Variants in TTBK2 observed in about 807,000 individuals in gnomAD.
The protein encoded by TTBK2 is tau tubulin kinase 2.
Under a neutral mutation model 110.8 loss-of-function variants are expected in TTBK2, and 28 were observed. The observed-to-expected ratio is 0.25, with a 90% confidence interval of 0.19 to 0.35. TTBK2 has a LOEUF of 0.35. TTBK2 is among the 10% of genes least tolerant of loss of function. TTBK2 has a pLI of 1.00. For missense variants in TTBK2, 1,369 were observed against 1,500.3 expected (o/e 0.91, Z 1.45); for synonymous variants, 532 against 527.3 (o/e 1.01, Z -0.12).
chr15:42,754,551 T>C (rs568033803), intron 13 of TTBK2, among the ~76,000 whole-genome samples: 58 of 151,320 alleles, frequency 3.8e-4, no homozygotes, highest in Admixed American at 2.0e-3. Context: ...TGCCCACCAC[T>C]ATGCCCAGCT....
At chr15:42,794,621 C>T (rs1383946164) in intron 10 of TTBK2, 23 bp downstream of exon 10, 1 of 1,614,058 alleles carries the variant, frequency 6.2e-7, no homozygotes, top group South Asian at 1.1e-5. Context: ...AAGACACCAC[C>T]AAATGATCTG....
intron 6 of TTBK2, among the ~76,000 whole-genome samples, chr15:42,822,594 A>G (rs1164361070): frequency 2.0e-5 from 3 of 152,176 alleles, no homozygotes; most frequent in African/African-American, 7.2e-5. Context: ...GCAGACCATG[A>G]GAGAAAAAAA....
intron 1 of TTBK2, among the ~76,000 whole-genome samples, chr15:42,891,412 G>A (rs548351649): frequency 2.0e-5 from 3 of 151,402 alleles, no homozygotes; most frequent in South Asian, 2.1e-4. Context: ...AGACTCAATC[G>A]ATCCTCCCAC....
rs753998020 is a variant in TTBK2 at position 42,840,416 on chromosome 15, T to C, written c.235A>G (p.Arg79Gly). The change falls in exon 4 of 15, where the codon AGA (arginine) becomes GGA (glycine). Residue 79 changes from arginine to glycine, a missense_variant. Arg to Gly is a moderately radical substitution (Grantham distance 125, BLOSUM62 -2). This residue lies in a region of TTBK2 where 122 missense variants were observed against 159.7 expected (regional missense o/e 0.76). Transcript: ENST00000267890. The part of the protein sequence containing the change: ...KKLQGKDHVC[R>G]FIGCGRNDRF... ...TCATTCCTCCCACAGCCAATAAATC[T>C]ACAAACATGGTCTTTCCCTGGATAA... The C allele has an allele frequency of 1.2e-6, 2 of 1,613,966 alleles. No homozygotes were observed. Among genetic ancestry groups the C allele is most frequent in the Non-Finnish European group, 1.7e-6 (2 of 1,179,898 alleles).
chr15:42,920,558 G>C lies in TTBK2; in HGVS notation c.-188C>G, dbSNP rs1207210617. On this transcript the variant is annotated 5_prime_UTR_variant, in exon 1 of 15. Transcript: ENST00000267890. ...CACTGCCTGCCCATCCCCCACCGCCGACTGCGGCGGGACCCGAGCGCGGCT... is the reference window on the plus strand; with the variant it reads ...CACTGCCTGCCCATCCCCCACCGCCCACTGCGGCGGGACCCGAGCGCGGCT... 6.5e-6 allele frequency: 1 copy of C among 153,478 alleles called. No homozygotes were observed. The highest frequency in any genetic ancestry group is 1.5e-5 in the Non-Finnish European group (1 of 68,514). 9.5% of individuals were successfully genotyped at this position (153,478 alleles called of 1,614,324 possible).
intron 9 of TTBK2, chr15:42,802,327 C>T (rs1595927033): frequency 3.9e-6 from 3 of 772,446 alleles, no homozygotes; most frequent in East Asian, 2.4e-5. Context: ...ACCAGGCCCA[C>T]TCGTGTAGGA....
chr15:42,845,633 C>CAAAAAA (rs894783459), intron 3 of TTBK2, among the ~76,000 whole-genome samples: 1 of 15,294 alleles, frequency 6.5e-5, no homozygotes, highest in African/African-American at 1.3e-4. Context: ...GGCTGCATCT[C>CAAAAAA]AAAAAAAAAA....
At chr15:42,778,501 TA>T (rs1167593176) in intron 11 of TTBK2, among the ~76,000 whole-genome samples, 4 of 151,918 alleles carry the variant, frequency 2.6e-5, no homozygotes, top group African/African-American at 9.7e-5. Flanking sequence ...CCATCTCTAC[TA>T]AAAATACAAA....
chr15:42,878,076 G>T (rs910683891), intron 2 of TTBK2, among the ~76,000 whole-genome samples: 1 of 146,630 alleles, frequency 6.8e-6, no homozygotes, highest in African/African-American at 2.5e-5. Context: ...CCGGGTTCAC[G>T]CCATTCTCCT....
chr15:42,910,128 T>C (rs2030661079), intron 1 of TTBK2, among the ~76,000 whole-genome samples: 1 of 152,208 alleles, frequency 6.6e-6, no homozygotes, highest in South Asian at 2.1e-4. Context: ...ATATACACCA[T>C]GATTAATATA....
intron 3 of TTBK2, among the ~76,000 whole-genome samples, chr15:42,844,606 T>C (rs1489837013): frequency 6.6e-6 from 1 of 152,230 alleles, no homozygotes; most frequent in East Asian, 1.9e-4. Flanking sequence ...TATGCAAGCA[T>C]TTTATGCCAG....
rs769265704 is a variant in TTBK2, at chr15:42,745,873, G to A, written c.3657C>T (p.Ser1219=). The A allele has an allele frequency of 8.7e-6, 14 of 1,613,954 alleles. No homozygotes were observed. Among genetic ancestry groups the A allele is most frequent in the African/African-American group, 5.3e-5 (4 of 74,864 alleles). ...CKPSKNGLKG[S]GSLHHHSAST... is the part of the protein sequence containing the mutation. ...TGGCTGAGTGGTGGTGGAGGCTGCCGGATCCTTTCAGGCCATTCTTGCTGG... is the reference window on the plus strand; with the variant it reads ...TGGCTGAGTGGTGGTGGAGGCTGCCAGATCCTTTCAGGCCATTCTTGCTGG... The change falls in exon 15 of 15, where the codon TCC becomes TCT. Residue 1219 remains serine (S), a synonymous_variant. Transcript: ENST00000267890.
At chr15:42,815,928 A>T in intron 7 of TTBK2, among the ~76,000 whole-genome samples, 1 of 49,178 alleles carries the variant, frequency 2.0e-5, no homozygotes, top group South Asian at 9.5e-4. Flanking sequence ...ATATATATTT[A>T]AAAATATATA....
chr15:42,855,134 T>G (rs1022327430), intron 3 of TTBK2: 2 of 152,192 alleles, frequency 1.3e-5, no homozygotes, highest in East Asian at 3.8e-4. Flanking sequence ...TGGAGTCCAA[T>G]GGCGCAATCT....
chr15:42,774,455 C>T lies in TTBK2; in HGVS notation c.1998+680G>A, dbSNP rs1266877628. 3.9e-5 allele frequency among the ~76,000 whole-genome samples: 6 copies of T among 152,162 alleles called. No individual in the cohort carries two copies. In the East Asian group the frequency reaches 1.2e-3, roughly 29 times the overall value. The stretch of plus-strand genomic sequence containing the variant: ...GTAACAGGATAACAGGCTTCTCCAG[C>T]TGAATGCCCAAAACTGAAAATAAAC... On this transcript the variant is annotated intron_variant, in intron 13 of 14. Transcript: ENST00000267890.
chr15:42,873,718 T>C (rs1409794666), intron 2 of TTBK2, among the ~76,000 whole-genome samples: 1 of 152,182 alleles, frequency 6.6e-6, no homozygotes, highest in Non-Finnish European at 1.5e-5. Context: ...GAAGAGTCAG[T>C]GGCAAGTGCA....
chr15:42,812,596 T>C (rs1891770208), intron 7 of TTBK2, among the ~76,000 whole-genome samples: 1 of 152,158 alleles, frequency 6.6e-6, no homozygotes, highest in African/African-American at 2.4e-5. Context: ...AAACATATGT[T>C]CATTATTCAA....
At chr15:42,835,862 A>G (rs1461899186) in intron 4 of TTBK2, among the ~76,000 whole-genome samples, 1 of 152,166 alleles carries the variant, frequency 6.6e-6, no homozygotes, top group African/African-American at 2.4e-5. Flanking sequence ...CCATATACTG[A>G]TAGTTGTTGA....
chr15:42,769,529 C>A (rs894093760), intron 13 of TTBK2, among the ~76,000 whole-genome samples: 9 of 152,280 alleles, frequency 5.9e-5, no homozygotes, highest in African/African-American at 2.2e-4. Flanking sequence ...CACTGGCCAT[C>A]AGAGAAATGC....
Sources: gnomAD v4.1 joint callset for allele counts (sites outside exome capture counted in the v4.1 genomes callset) on GRCh38, gnomAD v4.1.1 for gene constraint, gnomAD v4.1.1 regional missense constraint, MANE v1.5 for transcripts, NCBI Gene and HGNC (gene_info 2026-07-23, HGNC 2026-07-21) for gene names.